PIGR: variants seen among roughly 807,000 people sequenced by gnomAD.
The protein encoded by PIGR is hepatocellular carcinoma associated protein TB6.
Under a neutral mutation model 69.5 loss-of-function variants are expected in PIGR, and 22 were observed. That is an observed-to-expected ratio of 0.32 (90% CI 0.23 to 0.45). The LOEUF (loss-of-function observed/expected upper bound fraction) is 0.45. PIGR is among the 20% of genes least tolerant of loss of function. The pLI, the probability that PIGR is intolerant of heterozygous loss-of-function variation, is 1.00. For synonymous variants in PIGR, 413 were observed against 407.6 expected (o/e 1.01, Z -0.16); for missense variants, 885 against 974.0 (o/e 0.91, Z 1.22).
intron 10 of PIGR, chr1:206,931,184 C>T: frequency 1.0e-6 from 1 of 985,454 alleles, no homozygotes; most frequent in Non-Finnish European, 1.2e-6. Context: ...ATTTAATCAC[C>T]AGCATTTGGC....
Position 206,932,457 on chromosome 1 carries a change from G to A in PIGR, c.2007C>T (p.Val669=), listed in dbSNP as rs1456966208. The change falls in exon 8 of 11, where the codon GTC becomes GTT. Residue 669 remains valine, a splice_region_variant and synonymous_variant. Transcript: ENST00000356495. ...GCAGGGAGTATCCCAGGGACTCACC[G>A]ACGTTCTTCCTGTGCCGGGCTCTGG... is the stretch of plus-strand genomic sequence containing the variant. The part of the protein sequence containing the change: ...GVARARHRKN[V]DRVSIRSYRT... The A allele has an allele frequency of 2.5e-6, 4 of 1,610,412 alleles. No homozygotes were observed. The highest frequency in any genetic ancestry group is 2.2e-5 in the East Asian group (1 of 44,872).
Position 206,934,605 on chromosome 1 carries a change from G to T in PIGR, c.1520C>A (p.Pro507His). ...CTTGCTGGGGCCTTCGTCTTGGCTG[G>T]GCAGGGCCTGGCAGCCCGTGTTATT... ...KWNNTGCQAL[P>H]SQDEGPSKAF... The change falls in exon 6 of 11, where the codon CCC (proline) becomes CAC (histidine). Residue 507 changes from proline (P) to histidine (H), a missense_variant. Pro to His is a moderately conservative substitution (Grantham distance 77, BLOSUM62 -2). Coordinates refer to ENST00000356495, the MANE Select transcript of PIGR (RefSeq NM_002644.4). 6.2e-7 allele frequency: 1 copy of T among 1,614,174 alleles called. No individual in the cohort carries two copies. Among genetic ancestry groups the T allele is most frequent in the Non-Finnish European group, 8.5e-7 (1 of 1,180,014 alleles).
At position 206,928,781 on chromosome 1, in the gene PIGR, C is replaced by T. The variant is rs1679665216; in HGVS notation, c.*1537G>A. ...ATGTGAGTGACAGAAATGGTGCGGC[C>T]TGGGAAAGATCTCCCTCCTTTACAT... On this transcript the variant is annotated 3_prime_UTR_variant, in exon 11 of 11. Coordinates refer to ENST00000356495, the MANE Select transcript of PIGR (RefSeq NM_002644.4). The T allele has an allele frequency of 6.6e-6, 1 of 152,610 alleles. No individual in the cohort carries two copies. The highest frequency in any genetic ancestry group is 1.5e-5 in the Non-Finnish European group (1 of 68,098). 9.5% of individuals were successfully genotyped at this position (152,610 alleles called of 1,614,324 possible). A position where few individuals can be genotyped will look rare whatever the true frequency, so the allele number is the denominator to read the frequency against.
chr1:206,932,397 G>A, intron 8 of PIGR, 59 bp downstream of exon 8: 2 of 1,523,906 alleles, frequency 1.3e-6, no homozygotes, highest in Non-Finnish European at 1.8e-6. Context: ...ATGGGTGGAT[G>A]ATTCAGGACT....
chr1:206,943,791 C>T (rs1680045353), intron 1 of PIGR, among the ~76,000 whole-genome samples: 1 of 152,150 alleles, frequency 6.6e-6, no homozygotes, highest in Non-Finnish European at 1.5e-5. Flanking sequence ...TTAGGTTGGA[C>T]TCATGTGGAT....
chr1:206,943,234 A>G (rs1680031516), intron 1 of PIGR, among the ~76,000 whole-genome samples: 1 of 152,124 alleles, frequency 6.6e-6, no homozygotes, highest in South Asian at 2.1e-4. Context: ...AACCCAAGAG[A>G]TAGATGTTGT....
rs367816713 is a variant in PIGR, at chr1:206,935,740, C to G, written c.1124G>C (p.Arg375Pro). ...GTACTTGATGCTTTTGCTTTCCTTA[C>G]GGTTGTAGGGGCAGAGCACGGCCAC... ...GSVAVLCPYN[R>P]KESKSIKYWC... Residue 375 changes from arginine to proline, a missense_variant, in exon 5 of 11, where the codon CGT becomes CCT. Physicochemically the swap from Arg to Pro is moderately radical, Grantham distance 103. Coordinates refer to ENST00000356495, the MANE Select transcript of PIGR (RefSeq NM_002644.4). The surrounding 1 kb of genome is among the most constrained non-coding windows in gnomAD (Gnocchi z 4.4). 1 of 1,614,058 alleles carries G rather than the reference C, an allele frequency of 6.2e-7. No homozygotes were observed. The highest frequency in any genetic ancestry group is 1.3e-5 in the African/African-American group (1 of 75,066).
rs1679722185 is a variant in PIGR at position 206,930,696 on chromosome 1, C to T, written c.2200-283G>A. ...GCCCGGGCCTGTCCCCGGAAGCTGC[C>T]CACACAGTCCACGGGCAAGGTGGCC... is the stretch of plus-strand genomic sequence containing the variant. On this transcript the variant is annotated intron_variant, in intron 10 of 10. Transcript: ENST00000356495. This position sits in a 1 kb window ranked among gnomAD's most constrained non-coding sequence, Gnocchi z 4.3. 1.0e-6 allele frequency: 1 copy of T among 985,292 alleles called. No individual in the cohort carries two copies. Among genetic ancestry groups the T allele is most frequent in the African/African-American group, 1.7e-5 (1 of 57,214 alleles). The allele number at this position is 985,292 out of a possible 1,614,324, so 61.0% of individuals were successfully genotyped here.
chr1:206,930,315 C>G lies in PIGR; in HGVS notation c.*3G>C. On this transcript the variant is annotated 3_prime_UTR_variant, in exon 11 of 11. Coordinates refer to ENST00000356495, the MANE Select transcript of PIGR (RefSeq NM_002644.4). This position sits in a 1 kb window ranked among gnomAD's most constrained non-coding sequence, Gnocchi z 4.3. ...GGGTGCAGGGAGCAGGCGGCGACAC[C>G]GTCTAGGCTTCCTGGGGGCCGTCCT... is the stretch of plus-strand genomic sequence containing the variant. 1.2e-6 allele frequency: 2 copies of G among 1,609,616 alleles called. No individual in the cohort carries two copies. The highest frequency in any genetic ancestry group is 1.7e-6 in the Non-Finnish European group (2 of 1,177,774).
chr1:206,943,325 G>A (rs761686621), intron 1 of PIGR, among the ~76,000 whole-genome samples: 52 of 152,086 alleles, frequency 3.4e-4, no homozygotes, highest in South Asian at 2.1e-4. Context: ...CTAATTTGAG[G>A]TCACTACCCC....
In PIGR at chr1:206,930,371, G is replaced by A; in HGVS notation, c.2242C>T (p.Leu748Phe). The change falls in exon 11 of 11, where the codon CTC becomes TTC. Residue 748 changes from leucine (L) to phenylalanine (F), a missense_variant. Leu to Phe is a conservative substitution (Grantham distance 22). Transcript: ENST00000356495. The surrounding 1 kb of genome is among the most constrained non-coding windows in gnomAD (Gnocchi z 4.3). ...TCGGCGGCCACGGTGCTGGACTGGA[G>A]CAGGAAGTCTTTGTAGGCCATCTCG... is the stretch of plus-strand genomic sequence containing the variant. Reference protein sequence around the residue: ...EAEMAYKDFLLQSSTVAAEAQ... With the variant: ...EAEMAYKDFLFQSSTVAAEAQ... The A allele has an allele frequency of 6.2e-7, 1 of 1,613,108 alleles. No individual in the cohort carries two copies. The highest frequency in any genetic ancestry group is 8.5e-7 in the Non-Finnish European group (1 of 1,179,514).
Position 206,929,012 on chromosome 1 carries a change from C to G in PIGR, c.*1306G>C, listed in dbSNP as rs1679671250. 1 of 142,646 alleles carries G rather than the reference C, an allele frequency of 7.0e-6. No individual in the cohort carries two copies. The highest frequency in any genetic ancestry group is 1.5e-5 in the Non-Finnish European group (1 of 67,150). The allele number at this position is 142,646 out of a possible 1,614,324, so 8.8% of individuals were successfully genotyped here. On this transcript the variant is annotated 3_prime_UTR_variant, in exon 11 of 11. Coordinates refer to ENST00000356495, the MANE Select transcript of PIGR (RefSeq NM_002644.4). ...ACTTTGAGAAGCTGAGGCGGCAGAT[C>G]ACTTGAGGCCAGGAGTTCGAGACCA...
chr1:206,944,388 G>A (rs1022448427), intron 1 of PIGR, among the ~76,000 whole-genome samples: 9 of 152,118 alleles, frequency 5.9e-5, no homozygotes, highest in East Asian at 1.9e-4. Context: ...TAGGAGAATC[G>A]CTGGAACCCA....
chr1:206,934,885 G>GTC, intron 5 of PIGR, 139 bp from the exon 6 acceptor site: 2 of 532,636 alleles, frequency 3.8e-6, no homozygotes, highest in East Asian at 3.4e-5. Context: ...TTGAGACAAG[G>GTC]TCTCTCTCTG....
At position 206,940,441 on chromosome 1, in the gene PIGR, G is replaced by A. The variant is rs181342447; in HGVS notation, c.43+48C>T. ...CCAGGGAGGTGAACCCTGGAGTCGG[G>A]CAGGCTGAAGGGGTGGAGCTTGGAG... On this transcript the variant is annotated intron_variant, in intron 2 of 10. Transcript: ENST00000356495. The A allele has an allele frequency of 1.2e-4, 186 of 1,533,424 alleles. 1 individual carries two copies. The African/African-American group carries it at 2.3e-3, about 19-fold the overall frequency. The allele number at this position is 1,533,424 out of a possible 1,614,324, so 95.0% of individuals were successfully genotyped here. A position where few individuals can be genotyped will look rare whatever the true frequency, so the allele number is the denominator to read the frequency against.
Position 206,930,561 on chromosome 1 carries a change from A to C in PIGR, c.2200-148T>G. ...GCCCACTGTTCTCATCCCAGCCCCCATGCTCACCAAGAAGGACGCATTTTG... is the reference window on the plus strand; with the variant it reads ...GCCCACTGTTCTCATCCCAGCCCCCCTGCTCACCAAGAAGGACGCATTTTG... On this transcript the variant is annotated intron_variant, in intron 10 of 10. Transcript: ENST00000356495. This position sits in a 1 kb window ranked among gnomAD's most constrained non-coding sequence, Gnocchi z 4.3. The C allele has an allele frequency of 7.5e-7, 1 of 1,329,252 alleles. No individual in the cohort carries two copies. Among genetic ancestry groups the C allele is most frequent in the Non-Finnish European group, 9.6e-7 (1 of 1,038,308 alleles). The allele number at this position is 1,329,252 out of a possible 1,614,324, so 82.3% of individuals were successfully genotyped here. A position where few individuals can be genotyped will look rare whatever the true frequency, so the allele number is the denominator to read the frequency against.
intron 1 of PIGR, among the ~76,000 whole-genome samples, chr1:206,945,627 G>T (rs570172476): frequency 3.4e-4 from 52 of 152,336 alleles, no homozygotes; most frequent in South Asian, 6.2e-4. Context: ...GCAGGAATCT[G>T]CTAGAGCAAA....
At chr1:206,937,019 C>T in intron 4 of PIGR, 76 bp downstream of exon 4, 1 of 1,329,162 alleles carries the variant, frequency 7.5e-7, no homozygotes, top group Non-Finnish European at 1.0e-6. Flanking sequence ...TTGATGAATA[C>T]ACTCAGAGGG....
chr1:206,930,953 C>T lies in PIGR; in HGVS notation c.2200-540G>A, dbSNP rs991031497. On this transcript the variant is annotated intron_variant, in intron 10 of 10. Coordinates refer to ENST00000356495, the MANE Select transcript of PIGR (RefSeq NM_002644.4). The surrounding 1 kb of genome is among the most constrained non-coding windows in gnomAD (Gnocchi z 4.3). ...GCATGAGATGTTATTTTTCTTGGTC[C>T]CCTGAGTCCTAGGGCAGATTGAGGG... The T allele has an allele frequency of 2.0e-6, 2 of 985,232 alleles. No homozygotes were observed. The highest frequency in any genetic ancestry group is 2.4e-6 in the Non-Finnish European group (2 of 829,898). 61.0% of individuals were successfully genotyped at this position (985,232 alleles called of 1,614,324 possible).
Sources: allele counts gnomAD v4.1 joint callset (sites outside exome capture counted in the v4.1 genomes callset), GRCh38; gene constraint gnomAD v4.1.1; non-coding constraint Gnocchi (gnomAD v3.1); transcripts MANE v1.5; gene names NCBI Gene and HGNC (gene_info 2026-07-23, HGNC 2026-07-21).